DNAH9: variants seen among roughly 807,000 people sequenced by gnomAD.
The protein encoded by DNAH9 is DNAH9 variant protein.
A neutral mutation model predicts 471.6 loss-of-function variants in DNAH9; 345 were observed. The observed-to-expected ratio is 0.73, with a 90% CI of 0.67 to 0.80. The LOEUF is 0.80. Ranked by LOEUF, DNAH9 falls within the 30% of genes least tolerant of loss-of-function variation. DNAH9 has a pLI of 0.00. For synonymous variants in DNAH9, 2,093 were observed against 2,123.6 expected, an observed-to-expected ratio of 0.99 and a Z score of 0.40; for missense variants, 5,407 against 5,609.2, an observed-to-expected ratio of 0.96 and a Z score of 1.15.
intron 50 of DNAH9, among the ~76,000 whole-genome samples, chr17:11,868,206 T>C (rs1049498838): frequency 6.6e-6 from 1 of 152,174 alleles, no homozygotes; most frequent in African/African-American, 2.4e-5. Flanking sequence ...GTGTAGGAGG[T>C]AAATGAGCAT....
At chr17:11,695,464 C>G (rs1032148505) in intron 22 of DNAH9, among the ~76,000 whole-genome samples, 3 of 152,156 alleles carry the variant, frequency 2.0e-5, no homozygotes, top group Non-Finnish European at 4.4e-5. Flanking sequence ...ATATGAGAAG[C>G]CCAAAATGTG....
chr17:11,797,228 G>A (rs566239176), intron 42 of DNAH9, among the ~76,000 whole-genome samples: 4 of 152,212 alleles, frequency 2.6e-5, no homozygotes, highest in Non-Finnish European at 4.4e-5. Context: ...AAAGTGAGGC[G>A]ATTGGGCCAC....
chr17:11,742,208 G>C lies in DNAH9; in HGVS notation c.6006G>C (p.Leu2002Phe). The change falls in exon 30 of 69, where the codon TTG (leucine) becomes TTC (phenylalanine). Residue 2002 changes from leucine (L) to phenylalanine (F), a missense_variant. Leu to Phe is a conservative substitution (Grantham distance 22). Transcript: ENST00000262442. ...PCAMVVPDFE[L>F]ICEIMLVAEG... The stretch of plus-strand genomic sequence containing the variant: ...CAATGGTGGTTCCAGACTTTGAATT[G>C]ATCTGTGAAATCATGCTGGTGGCAG... The C allele has an allele frequency of 1.2e-6, 2 of 1,614,120 alleles. No homozygotes were observed. Among genetic ancestry groups the C allele is most frequent in the Non-Finnish European group, 1.7e-6 (2 of 1,179,990 alleles).
chr17:11,777,072 C>T (rs1567794809), intron 38 of DNAH9, among the ~76,000 whole-genome samples: 1 of 152,120 alleles, frequency 6.6e-6, no homozygotes, highest in Non-Finnish European at 1.5e-5. Flanking sequence ...ATTCTGTAGC[C>T]TGATATCTGT....
chr17:11,940,853 C>G (rs1476845509), intron 66 of DNAH9, among the ~76,000 whole-genome samples: 2 of 152,154 alleles, frequency 1.3e-5, no homozygotes, highest in African/African-American at 4.8e-5. Context: ...TGCTTATGTT[C>G]ACATGGGTAA....
At chr17:11,698,693 C>A (rs1044295316) in intron 22 of DNAH9, among the ~76,000 whole-genome samples, 1 of 152,060 alleles carries the variant, frequency 6.6e-6, no homozygotes, top group Non-Finnish European at 1.5e-5. Flanking sequence ...TGTAATTATT[C>A]AAGAAGCTCT....
chr17:11,712,620 G>A (rs2150791120), intron 26 of DNAH9, among the ~76,000 whole-genome samples: 1 of 152,122 alleles, frequency 6.6e-6, no homozygotes, highest in Non-Finnish European at 1.5e-5. Context: ...CCATTCTGGT[G>A]GCTGTTAAGT....
intron 52 of DNAH9, among the ~76,000 whole-genome samples, chr17:11,873,686 A>G (rs1203604668): frequency 6.6e-6 from 1 of 152,076 alleles, no homozygotes; most frequent in African/African-American, 2.4e-5. Flanking sequence ...TAAAATATCC[A>G]GAATAAGAAA....
intron 26 of DNAH9, among the ~76,000 whole-genome samples, 161 bp from the exon 27 acceptor site, chr17:11,719,173 G>A (rs751836258): frequency 3.3e-5 from 5 of 152,022 alleles, no homozygotes; most frequent in Admixed American, 6.6e-5. Flanking sequence ...GAGCTTGCCC[G>A]CTAAAGAGTC....
At position 11,704,218 on chromosome 17, in the gene DNAH9, A is replaced by T; in HGVS notation, c.5167A>T (p.Thr1723Ser). The change falls in exon 25 of 69, where the codon ACT becomes TCT. Residue 1723 changes from threonine (T) to serine (S), a missense_variant. By Grantham distance (58) the Thr-to-Ser change is moderately conservative (BLOSUM62 1). Around this residue, in one of 3 missense-constraint regions of DNAH9, gnomAD observed 4,636 missense variants for 4,900.3 expected, o/e 0.95. Coordinates refer to ENST00000262442, the MANE Select transcript of DNAH9 (RefSeq NM_001372.4). ...DHPAQVALTC[T>S]QIWWTTEVGM... is the part of the protein sequence containing the mutation. ...GCTGCCACAGGTGGCCCTGACCTGT[A>T]CTCAGATCTGGTGGACAACAGAAGT... 6.2e-7 allele frequency: 1 copy of T among 1,614,068 alleles called. No homozygotes were observed. The highest frequency in any genetic ancestry group is 8.5e-7 in the Non-Finnish European group (1 of 1,179,946).
chr17:11,742,882 T>C lies in DNAH9; in HGVS notation c.6111+569T>C, dbSNP rs193302011. 7.5e-4 allele frequency among the ~76,000 whole-genome samples: 114 copies of C among 152,338 alleles called. 1 individual carries two copies. The highest frequency in any genetic ancestry group is 2.6e-3 in the African/African-American group (107 of 41,570). ...TGGGATTATCTTGTTTTGATCACCT[T>C]TACTGCCATAAAACAGGCTCTCTCA... is the stretch of plus-strand genomic sequence containing the variant. On this transcript the variant is annotated intron_variant, in intron 30 of 68. Transcript: ENST00000262442.
At chr17:11,740,657 T>A (rs1388229459) in intron 29 of DNAH9, among the ~76,000 whole-genome samples, 1 of 152,204 alleles carries the variant, frequency 6.6e-6, no homozygotes, top group Non-Finnish European at 1.5e-5. Context: ...AAACATCTAC[T>A]TTTACATTTA....
In DNAH9 at chr17:11,705,192, A is replaced by G. The variant is rs1291940044; in HGVS notation, c.5552+7A>G. ...TCACACCTTTGACTGACAGGTGAGC[A>G]CTGGTGTCAACCACTGACAGCCTTA... On this transcript the variant is annotated splice_region_variant and intron_variant, in intron 26 of 68. Coordinates refer to ENST00000262442, the MANE Select transcript of DNAH9 (RefSeq NM_001372.4). 1 of 1,613,474 alleles carries G rather than the reference A, an allele frequency of 6.2e-7. No individual in the cohort carries two copies. Among genetic ancestry groups the G allele is most frequent in the East Asian group, 2.2e-5 (1 of 44,874 alleles).
In DNAH9 at chr17:11,757,534, T is replaced by A; in HGVS notation, c.6848-11T>A. 1 of 1,609,502 alleles carries A rather than the reference T, an allele frequency of 6.2e-7. No individual in the cohort carries two copies. The highest frequency in any genetic ancestry group is 8.5e-7 in the Non-Finnish European group (1 of 1,176,294). ...GGAATATTCACTAAACTGTATTCTCTGTGCTCACAGGGATCTTGTACATCA... is the reference window on the plus strand; with the variant it reads ...GGAATATTCACTAAACTGTATTCTCAGTGCTCACAGGGATCTTGTACATCA... On this transcript the variant is annotated splice_polypyrimidine_tract_variant and intron_variant, in intron 34 of 68. Coordinates refer to ENST00000262442, the MANE Select transcript of DNAH9 (RefSeq NM_001372.4).
chr17:11,802,958 G>T (rs1185914507), intron 43 of DNAH9, among the ~76,000 whole-genome samples: 2 of 152,158 alleles, frequency 1.3e-5, no homozygotes, highest in East Asian at 1.9e-4. Flanking sequence ...GCCACAAATT[G>T]GTTGGGATGC....
chr17:11,920,447 C>T (rs923692124), intron 61 of DNAH9, among the ~76,000 whole-genome samples: 2 of 150,676 alleles, frequency 1.3e-5, no homozygotes, highest in Non-Finnish European at 3.0e-5. Flanking sequence ...ATGGTGAAAC[C>T]CTATCTCTAC....
At chr17:11,930,159 G>C in intron 63 of DNAH9, 66 bp downstream of exon 63, 1 of 1,383,146 alleles carries the variant, frequency 7.2e-7, no homozygotes, top group Non-Finnish European at 1.0e-6. Flanking sequence ...AAACTGGTGG[G>C]GGGAGAGCAT....
At chr17:11,669,884 T>G (rs1337190658) in intron 17 of DNAH9, 90 bp downstream of exon 17, 2 of 1,125,020 alleles carry the variant, frequency 1.8e-6, no homozygotes, top group Non-Finnish European at 2.6e-6. Context: ...TCCCCATGGG[T>G]ATGTTGGTTA....
chr17:11,823,855 A>T (rs532796561), intron 48 of DNAH9, among the ~76,000 whole-genome samples: 3 of 151,290 alleles, frequency 2.0e-5, no homozygotes, highest in Admixed American at 2.0e-4. Context: ...ACTTGAACCC[A>T]GGTGGCGGAG....
Sources: gnomAD v4.1 joint callset for allele counts (sites outside exome capture counted in the v4.1 genomes callset) on GRCh38, gnomAD v4.1.1 for gene constraint, gnomAD v4.1.1 regional missense constraint, MANE v1.5 for transcripts, NCBI Gene and HGNC (gene_info 2026-07-23, HGNC 2026-07-21) for gene names.